Variants in LDAH observed in about 807,000 individuals in gnomAD.
LDAH encodes the protein lipid droplet-associated hydrolase.
LDAH carries 26 observed loss-of-function variants against 29.6 expected under a neutral mutation model. The ratio of observed to expected loss-of-function variants is 0.88; its 90% CI spans 0.64 to 1.22. LDAH has a LOEUF of 1.22. Among genes scored for constraint, LDAH ranks in the 50% most tolerant of loss-of-function variants. The probability of loss-of-function intolerance (pLI) is 0.00; values close to 1 mark genes in which losing one functional copy is unlikely to be tolerated. For synonymous variants in LDAH, 117 were observed against 133.0 expected, an observed-to-expected ratio of 0.88 and a Z score of 0.83; for missense variants, 344 against 387.3, an observed-to-expected ratio of 0.89 and a Z score of 0.94.
rs377311757 is a variant in LDAH, at chr2:20,694,027, T to C, written c.787-6933A>G. Among the ~76,000 whole-genome samples the C allele has an allele frequency of 1.5e-3, 229 of 152,366 alleles. 5 individuals carry two copies. In the South Asian group the frequency reaches 0.043, roughly 29 times the overall value. Reference sequence around the variant, plus strand: ...TTTTCTTTCCTTCTTTGAAATAATTTGCACTAGAGCAGGTTTTTTGCTTGT... The same window carrying C: ...TTTTCTTTCCTTCTTTGAAATAATTCGCACTAGAGCAGGTTTTTTGCTTGT... On this transcript the variant is annotated intron_variant, in intron 6 of 6. Transcript: ENST00000237822.
At chr2:20,699,298 A>G (rs1663739041) in intron 6 of LDAH, among the ~76,000 whole-genome samples, 1 of 152,152 alleles carries the variant, frequency 6.6e-6, no homozygotes, top group African/African-American at 2.4e-5. Context: ...AATCCCGGGC[A>G]TTGGTTTTAG....
intron 3 of LDAH, among the ~76,000 whole-genome samples, chr2:20,784,514 C>T (rs543297979): frequency 2.0e-5 from 3 of 152,316 alleles, no homozygotes; most frequent in Admixed American, 6.5e-5. Context: ...ATCCTACTCT[C>T]TATTCCTAGC....
At chr2:20,735,318 G>T (rs72784349) in intron 5 of LDAH, among the ~76,000 whole-genome samples, 26,314 of 151,880 alleles carry the variant, frequency 0.17, 2,817 homozygotes, top group Admixed American at 0.25. Context: ...CCCCTTTTTA[G>T]TCTATTTTCT....
intron 6 of LDAH, among the ~76,000 whole-genome samples, chr2:20,694,663 G>A (rs887304074): frequency 7.2e-5 from 11 of 152,188 alleles, no homozygotes; most frequent in African/African-American, 2.4e-4. Flanking sequence ...AATGCTTCCC[G>A]CCCGTGAACC....
At chr2:20,822,341 C>T (rs918809135) in intron 1 of LDAH, among the ~76,000 whole-genome samples, 1 of 152,080 alleles carries the variant, frequency 6.6e-6, no homozygotes, top group African/African-American at 2.4e-5. Flanking sequence ...GATGGGGTTT[C>T]ACCGTGTTAG....
rs142493577 is a variant in LDAH at position 20,725,468 on chromosome 2, T to A, written c.703+14503A>T. Among the ~76,000 whole-genome samples, 269 of 152,288 alleles carry A rather than the reference T, an allele frequency of 1.8e-3. 1 individual carries two copies. Among genetic ancestry groups the A allele is most frequent in the African/African-American group, 6.3e-3 (261 of 41,568 alleles). Reference sequence around the variant, plus strand: ...CGCCTGAAGGCATTCTGCAGGAACATGGCAACGATGGATTTTAGTTCTGGT... The same window carrying A: ...CGCCTGAAGGCATTCTGCAGGAACAAGGCAACGATGGATTTTAGTTCTGGT... On this transcript the variant is annotated intron_variant, in intron 5 of 6. Coordinates refer to ENST00000237822, the MANE Select transcript of LDAH (RefSeq NM_021925.4).
intron 2 of LDAH, among the ~76,000 whole-genome samples, chr2:20,792,007 CAGGT>C (rs1392134920): frequency 1.6e-4 from 25 of 152,108 alleles, no homozygotes; most frequent in Middle Eastern, 3.4e-3. Context: ...TAAGTGTTAA[CAGGT>C]AGGGCAAATC....
At chr2:20,703,880 C>A (rs115685577) in intron 5 of LDAH, among the ~76,000 whole-genome samples, 2 of 152,276 alleles carry the variant, frequency 1.3e-5, no homozygotes, top group East Asian at 3.9e-4. Context: ...TTATTTTAGG[C>A]GCTGGAGATG....
At chr2:20,789,925 G>T (rs556219647) in intron 3 of LDAH, among the ~76,000 whole-genome samples, 1 of 152,262 alleles carries the variant, frequency 6.6e-6, no homozygotes, top group Non-Finnish European at 1.5e-5. Flanking sequence ...GGTTCCCAGA[G>T]GCCAAAATGG....
At chr2:20,787,116 C>G (rs1670607673) in intron 3 of LDAH, among the ~76,000 whole-genome samples, 1 of 152,122 alleles carries the variant, frequency 6.6e-6, no homozygotes, top group South Asian at 2.1e-4. Context: ...TCAAAATCAC[C>G]ATTTATGTAT....
intron 6 of LDAH, among the ~76,000 whole-genome samples, chr2:20,689,258 C>T (rs1266072500): frequency 6.6e-6 from 1 of 152,156 alleles, no homozygotes; most frequent in African/African-American, 2.4e-5. Flanking sequence ...CTGCAGAGGA[C>T]CTGCAACTTA....
intron 4 of LDAH, among the ~76,000 whole-genome samples, chr2:20,749,854 T>C (rs947234026): frequency 1.2e-4 from 19 of 152,110 alleles, no homozygotes; most frequent in African/African-American, 4.6e-4. Context: ...AAGACATATC[T>C]GATGTTTATT....
Position 20,821,322 on chromosome 2 carries a change from T to G in LDAH, c.-3+1715A>C, listed in dbSNP as rs573019809. On this transcript the variant is annotated intron_variant, in intron 1 of 6. Transcript: ENST00000237822. ...CTATAAAGACACATGCACATGTATG[T>G]TTATTGCAGCACTACTTACAATAGC... 3.9e-5 allele frequency among the ~76,000 whole-genome samples: 6 copies of G among 152,350 alleles called. No individual in the cohort carries two copies. The East Asian group carries it at 1.2e-3, about 29-fold the overall frequency.
chr2:20,756,039 CTTTTTTTT>C (rs997802314), intron 4 of LDAH, among the ~76,000 whole-genome samples: 9 of 148,508 alleles, frequency 6.1e-5, no homozygotes, highest in South Asian at 2.1e-4. Context: ...TTCTTTTTTT[CTTTTTTTT>C]TTGAGACGGA....
At chr2:20,794,010 G>T (rs569116293) in intron 2 of LDAH, among the ~76,000 whole-genome samples, 18 of 152,076 alleles carry the variant, frequency 1.2e-4, no homozygotes, top group Non-Finnish European at 2.4e-4. Flanking sequence ...TTTTCATGCT[G>T]CTGATAAAGA....
At chr2:20,712,541 T>C (rs976865931) in intron 5 of LDAH, among the ~76,000 whole-genome samples, 2 of 152,142 alleles carry the variant, frequency 1.3e-5, no homozygotes, top group Admixed American at 6.5e-5. Flanking sequence ...AATGACATTA[T>C]GAGTTGACAG....
chr2:20,780,118 A>C lies in LDAH; in HGVS notation c.299-5139T>G, dbSNP rs561825189. The stretch of plus-strand genomic sequence containing the variant: ...GCTCCCTGTATCTAAACACTGGTAC[A>C]ACTCTGTTAGCTCTTAAAGTATGCA... On this transcript the variant is annotated intron_variant, in intron 3 of 6. Transcript: ENST00000237822. Among the ~76,000 whole-genome samples, 3 of 152,342 alleles carry C rather than the reference A, an allele frequency of 2.0e-5. No individual in the cohort carries two copies. The South Asian group carries it at 6.2e-4, about 32-fold the overall frequency.
intron 5 of LDAH, among the ~76,000 whole-genome samples, chr2:20,706,002 A>C (rs546438809): frequency 7.9e-4 from 120 of 152,318 alleles, no homozygotes; most frequent in Non-Finnish European, 1.3e-3. Context: ...GTGCCTCTTG[A>C]ACACCTGAAA....
intron 2 of LDAH, among the ~76,000 whole-genome samples, chr2:20,797,557 C>G (rs1292216430): frequency 1.3e-5 from 2 of 152,092 alleles, no homozygotes; most frequent in Non-Finnish European, 2.9e-5. Context: ...AGTCTTATGT[C>G]CTAGAAAACC....
Sources: gnomAD v4.1 joint callset for allele counts (sites outside exome capture counted in the v4.1 genomes callset) on GRCh38, gnomAD v4.1.1 for gene constraint, MANE v1.5 for transcripts, NCBI Gene and HGNC (gene_info 2026-07-23, HGNC 2026-07-21) for gene names.